Variants in GLG1 observed in about 807,000 individuals in gnomAD.
The protein encoded by GLG1 is Golgi apparatus protein 1.
GLG1 carries 38 observed loss-of-function variants against 160.5 expected under a neutral mutation model. That is an observed-to-expected ratio of 0.24 (90% CI 0.18 to 0.31). The LOEUF (loss-of-function observed/expected upper bound fraction) is 0.31, where lower values mean the gene tolerates loss of function less well. Ranked by LOEUF, GLG1 falls within the 10% of genes least tolerant of loss-of-function variation. The probability of loss-of-function intolerance (pLI) is 1.00; values close to 1 mark genes in which losing one functional copy is unlikely to be tolerated. For synonymous variants in GLG1, 644 were observed against 543.4 expected (o/e 1.19, Z -2.57); for missense variants, 1,373 against 1,505.2 (o/e 0.91, Z 1.45).
At chr16:74,585,086 C>G (rs1958017783) in intron 1 of GLG1, among the ~76,000 whole-genome samples, 1 of 151,240 alleles carries the variant, frequency 6.6e-6, no homozygotes, top group Non-Finnish European at 1.5e-5. Context: ...AAAACCCTAT[C>G]TTTAAATCGC....
At chr16:74,597,049 G>T (rs1169228753) in intron 1 of GLG1, among the ~76,000 whole-genome samples, 1 of 152,004 alleles carries the variant, frequency 6.6e-6, no homozygotes, top group Non-Finnish European at 1.5e-5. Flanking sequence ...TGCTCGGGAG[G>T]CAGAGGCTGC....
intron 25 of GLG1, among the ~76,000 whole-genome samples, chr16:74,456,049 C>T (rs1321557558): frequency 6.6e-6 from 1 of 152,198 alleles, no homozygotes; most frequent in Non-Finnish European, 1.5e-5. Flanking sequence ...CCCTTCTTCT[C>T]CATGTTCCAG....
rs2015349384 is a variant in GLG1 at position 74,475,099 on chromosome 16, G to A, written c.1966-467C>T. Among the ~76,000 whole-genome samples the A allele has an allele frequency of 4.4e-5, 6 of 136,562 alleles. No homozygotes were observed. In the South Asian group the frequency reaches 1.2e-3, roughly 27 times the overall value. 89.6% of individuals were successfully genotyped at this position (136,562 alleles called of 152,430 possible). On this transcript the variant is annotated intron_variant, in intron 12 of 25. Coordinates refer to ENST00000422840, the MANE Select transcript of GLG1 (RefSeq NM_001145667.2). ...TTGAACCCAGGAGGCGGGGGCTGCA[G>A]TAAGCCAGGATCGTGCCACTGCACT...
intron 1 of GLG1, among the ~76,000 whole-genome samples, chr16:74,584,807 T>G (rs1958010658): frequency 1.3e-5 from 2 of 151,878 alleles, no homozygotes; most frequent in Admixed American, 1.3e-4. Context: ...TCCCAGCTAC[T>G]TGGGAGGCTG....
intron 1 of GLG1, among the ~76,000 whole-genome samples, chr16:74,557,055 G>T (rs1025118576): frequency 1.1e-4 from 16 of 152,104 alleles, no homozygotes; most frequent in African/African-American, 3.6e-4. Context: ...GCAGTAGAAA[G>T]AATCTTTATA....
chr16:74,548,779 T>C (rs913256272), intron 1 of GLG1, among the ~76,000 whole-genome samples: 1 of 152,110 alleles, frequency 6.6e-6, no homozygotes. Flanking sequence ...GCGGATCACA[T>C]AAGGTCAGGA....
At chr16:74,583,423 C>A (rs1347031041) in intron 1 of GLG1, among the ~76,000 whole-genome samples, 1 of 152,186 alleles carries the variant, frequency 6.6e-6, no homozygotes, top group Non-Finnish European at 1.5e-5. Flanking sequence ...TCTTGTCCCC[C>A]AAGCTGGAGT....
intron 1 of GLG1, among the ~76,000 whole-genome samples, chr16:74,603,128 G>A (rs2143921932): frequency 6.6e-6 from 1 of 151,886 alleles, no homozygotes; most frequent in East Asian, 1.9e-4. Context: ...AGCAGCAGCA[G>A]CAGCCAGGCG....
At position 74,459,765 on chromosome 16, in the gene GLG1, C is replaced by T; in HGVS notation, c.3061G>A (p.Ala1021Thr). 1 of 1,604,840 alleles carries T rather than the reference C, an allele frequency of 6.2e-7. No homozygotes were observed. The highest frequency in any genetic ancestry group is 1.7e-4 in the Middle Eastern group (1 of 6,042). ...TGACCTGTCTGCTCTTGGGCTGCTG[C>T]TTCTTCAGCACATAGACTGGAGATC... ...DEISSLCAEE[A>T]AAQEQTGQVE... The change falls in exon 23 of 26, where the codon GCA becomes ACA. Residue 1021 changes from alanine to threonine, a missense_variant. Ala to Thr is a moderately conservative substitution (Grantham distance 58). Coordinates refer to ENST00000422840, the MANE Select transcript of GLG1 (RefSeq NM_001145667.2).
In GLG1 at chr16:74,451,699, C is replaced by T. The variant is rs552812626; in HGVS notation, c.*1468G>A. 3.6e-6 allele frequency: 1 copy of T among 277,474 alleles called. No homozygotes were observed. Among genetic ancestry groups the T allele is most frequent in the East Asian group, 7.7e-5 (1 of 12,986 alleles). The allele number at this position is 277,474 out of a possible 1,614,324, so 17.2% of individuals were successfully genotyped here. ...TGTCTCTCCTACTGTACACACTGCT[C>T]TCTTGTGCAGCCACTGTGATCTCAT... is the stretch of plus-strand genomic sequence containing the variant. On this transcript the variant is annotated 3_prime_UTR_variant, in exon 26 of 26. Transcript: ENST00000422840.
intron 2 of GLG1, among the ~76,000 whole-genome samples, chr16:74,510,065 C>A (rs990237964): frequency 3.4e-5 from 5 of 145,582 alleles, no homozygotes; most frequent in African/African-American, 7.7e-5. Flanking sequence ...GAGTTTCCCT[C>A]TTATTGCCCA....
At chr16:74,595,651 G>T (rs1018372118) in intron 1 of GLG1, among the ~76,000 whole-genome samples, 7 of 152,082 alleles carry the variant, frequency 4.6e-5, no homozygotes, top group East Asian at 1.9e-4. Flanking sequence ...TTTAAAACTT[G>T]TATTATGGTT....
intron 1 of GLG1, among the ~76,000 whole-genome samples, chr16:74,536,757 A>T (rs1375431168): frequency 6.6e-6 from 1 of 152,176 alleles, no homozygotes; most frequent in Non-Finnish European, 1.5e-5. Context: ...ATGAGTATGT[A>T]TCTACTGGGG....
At chr16:74,605,135 T>TA (rs942956559) in intron 1 of GLG1, among the ~76,000 whole-genome samples, 72 of 152,262 alleles carry the variant, frequency 4.7e-4, no homozygotes, top group African/African-American at 1.6e-3. Flanking sequence ...TTTCTGTATG[T>TA]AAAAACTGGA....
intron 1 of GLG1, among the ~76,000 whole-genome samples, chr16:74,533,755 T>C (rs1252231787): frequency 1.3e-5 from 2 of 152,220 alleles, no homozygotes; most frequent in Non-Finnish European, 2.9e-5. Flanking sequence ...CACTCCAGCC[T>C]GGGCAACAGA....
Position 74,590,142 on chromosome 16 carries a change from C to T in GLG1, c.438+16515G>A, listed in dbSNP as rs985901099. Among the ~76,000 whole-genome samples the T allele has an allele frequency of 2.6e-5, 4 of 151,844 alleles. No individual in the cohort carries two copies. In the East Asian group the frequency reaches 5.9e-4, roughly 22 times the overall value. ...CCTTCCAAGTAGTAGGGACTACAGGCGCACGCCACCACACCCACCTAAGTT... is the reference window on the plus strand; with the variant it reads ...CCTTCCAAGTAGTAGGGACTACAGGTGCACGCCACCACACCCACCTAAGTT... On this transcript the variant is annotated intron_variant, in intron 1 of 25. Coordinates refer to ENST00000422840, the MANE Select transcript of GLG1 (RefSeq NM_001145667.2).
chr16:74,571,979 A>G (rs1031260060), intron 1 of GLG1, among the ~76,000 whole-genome samples: 1 of 152,188 alleles, frequency 6.6e-6, no homozygotes, highest in Non-Finnish European at 1.5e-5. Flanking sequence ...AAAGCCTTGG[A>G]GTCTCAGAAG....
chr16:74,569,054 A>G (rs755133688), intron 1 of GLG1, among the ~76,000 whole-genome samples: 9 of 152,220 alleles, frequency 5.9e-5, no homozygotes, highest in African/African-American at 9.6e-5. Flanking sequence ...TGTGGGCAGA[A>G]ACCAAGCCCA....
At chr16:74,537,876 T>A (rs1353900700) in intron 1 of GLG1, among the ~76,000 whole-genome samples, 1 of 151,654 alleles carries the variant, frequency 6.6e-6, no homozygotes, top group East Asian at 2.0e-4. Flanking sequence ...TCAAATCAAC[T>A]ACCGCATTCA....
Sources: allele counts gnomAD v4.1 joint callset (sites outside exome capture counted in the v4.1 genomes callset), GRCh38; gene constraint gnomAD v4.1.1; transcripts MANE v1.5; gene names NCBI Gene and HGNC (gene_info 2026-07-23, HGNC 2026-07-21).